The following AAGAB variants were observed in gnomAD, a reference collection of about 807,000 sequenced individuals.
The protein encoded by AAGAB is alpha and gamma adaptin binding protein.
A neutral mutation model predicts 44.1 loss-of-function variants in AAGAB; 38 were observed. That is an observed-to-expected ratio of 0.86 (90% CI 0.67 to 1.13). The LOEUF is 1.13. AAGAB is among the 50% of genes most tolerant of loss of function. The pLI is 0.00. For synonymous variants in AAGAB, 131 were observed against 131.8 expected, an observed-to-expected ratio of 0.99 and a Z score of 0.04; for missense variants, 450 against 373.8, an observed-to-expected ratio of 1.20 and a Z score of -1.68.
At chr15:67,206,374 T>G (rs1300672566) in intron 7 of AAGAB, among the ~76,000 whole-genome samples, 2 of 152,208 alleles carry the variant, frequency 1.3e-5, no homozygotes, top group Non-Finnish European at 2.9e-5. Flanking sequence ...CAGTGTAAAG[T>G]TACTATTTTC....
intron 5 of AAGAB, among the ~76,000 whole-genome samples, chr15:67,217,735 A>G (rs903249295): frequency 2.0e-5 from 3 of 152,062 alleles, no homozygotes; most frequent in African/African-American, 7.2e-5. Flanking sequence ...ATGGGGTTTC[A>G]CCATGTTGGC....
At chr15:67,204,687 G>A (rs1238058575) in intron 7 of AAGAB, among the ~76,000 whole-genome samples, 2 of 152,018 alleles carry the variant, frequency 1.3e-5, no homozygotes, top group Non-Finnish European at 2.9e-5. Context: ...GCTATTCAGA[G>A]GTAGAGCTGA....
intron 1 of AAGAB, among the ~76,000 whole-genome samples, chr15:67,241,500 ATTC>A (rs777742411): frequency 4.6e-5 from 7 of 152,312 alleles, no homozygotes; most frequent in Admixed American, 3.3e-4. Flanking sequence ...GAGACCCAAC[ATTC>A]TTCTTTCTTC....
At chr15:67,231,383 T>C (rs1964331143) in intron 5 of AAGAB, among the ~76,000 whole-genome samples, 1 of 152,222 alleles carries the variant, frequency 6.6e-6, no homozygotes, top group South Asian at 2.1e-4. Flanking sequence ...TCTCTCTCTA[T>C]ACTTAAGCCT....
At chr15:67,239,071 T>C (rs993529272) in intron 1 of AAGAB, among the ~76,000 whole-genome samples, 12 of 152,172 alleles carry the variant, frequency 7.9e-5, no homozygotes, top group African/African-American at 2.4e-4. Context: ...AATACAGTAA[T>C]GAATTCACTT....
Position 67,202,863 on chromosome 15 carries a change from G to T in AAGAB, c.906C>A (p.Asp302Glu), listed in dbSNP as rs751267992. ...AKAFWMAIGG[D>E]RDEIEGLSSD... ...ATGAAAGGCCTTCAATTTCATCTCT[G>T]TCTCCCCCGATTGCCATCCAGAATG... Residue 302 changes from aspartate (D) to glutamate (E), a missense_variant, in exon 10 of 10, where the codon GAC (aspartate) becomes GAA (glutamate). Physicochemically the swap from Asp to Glu is conservative, Grantham distance 45. Transcript: ENST00000261880. 22 of 1,614,074 alleles carry T rather than the reference G, an allele frequency of 1.4e-5. No individual in the cohort carries two copies. In the South Asian group the frequency reaches 2.4e-4, roughly 18 times the overall value.
intron 4 of AAGAB, among the ~76,000 whole-genome samples, chr15:67,235,279 T>C (rs1964434419): frequency 6.6e-6 from 1 of 152,234 alleles, no homozygotes; most frequent in Admixed American, 6.5e-5. Flanking sequence ...ATTTCTTCTA[T>C]AATACTTATG....
rs749508818 is a variant in AAGAB at position 67,236,046 on chromosome 15, T to G, written c.384A>C (p.Gln128His). 1 of 1,613,110 alleles carries G rather than the reference T, an allele frequency of 6.2e-7. No homozygotes were observed. The highest frequency in any genetic ancestry group is 8.5e-7 in the Non-Finnish European group (1 of 1,179,418). Residue 128 changes from glutamine (Q) to histidine (H), a missense_variant, in exon 4 of 10, where the codon CAA becomes CAC. Transcript: ENST00000261880. ...SEDGINRQKA[Q>H]EWCIKHGFEL... Reference sequence around the variant, plus strand: ...CAAAGCCATGTTTGATGCACCATTCTTGAGCTTTTTGTCGGTTTATACCTA... The same window carrying G: ...CAAAGCCATGTTTGATGCACCATTCGTGAGCTTTTTGTCGGTTTATACCTA...
intron 5 of AAGAB, among the ~76,000 whole-genome samples, chr15:67,225,526 C>A (rs888399663): frequency 3.9e-5 from 6 of 152,086 alleles, no homozygotes; most frequent in Admixed American, 2.0e-4. Flanking sequence ...TTTTCACCAC[C>A]CCAGAAAGAA....
chr15:67,240,658 T>C (rs1025376036), intron 1 of AAGAB, among the ~76,000 whole-genome samples: 9 of 152,204 alleles, frequency 5.9e-5, no homozygotes, highest in African/African-American at 2.2e-4. Context: ...AGAAACTTTT[T>C]ACAAAGCCAT....
chr15:67,237,117 G>A (rs887714707), intron 1 of AAGAB, among the ~76,000 whole-genome samples: 2 of 152,106 alleles, frequency 1.3e-5, no homozygotes, highest in Admixed American at 6.6e-5. Flanking sequence ...ATCCAGAAAA[G>A]AGCAAGTAGA....
At chr15:67,227,910 T>G (rs1417774435) in intron 5 of AAGAB, among the ~76,000 whole-genome samples, 2 of 152,214 alleles carry the variant, frequency 1.3e-5, no homozygotes, top group Non-Finnish European at 2.9e-5. Flanking sequence ...GTATTTTGTT[T>G]TTTGGTTAAC....
At chr15:67,228,503 G>C (rs1017900751) in intron 5 of AAGAB, among the ~76,000 whole-genome samples, 1 of 152,214 alleles carries the variant, frequency 6.6e-6, no homozygotes, top group Non-Finnish European at 1.5e-5. Flanking sequence ...AGAGGAAAGG[G>C]AAGTACTTAT....
chr15:67,203,788 T>C (rs181895394), intron 8 of AAGAB, among the ~76,000 whole-genome samples, 191 bp from the exon 9 acceptor site: 3 of 152,340 alleles, frequency 2.0e-5, no homozygotes, highest in Non-Finnish European at 2.9e-5. Context: ...GTAGGGATCT[T>C]ACAGTTTCCA....
Position 67,217,472 on chromosome 15 carries a change from T to C in AAGAB, c.536-7928A>G, listed in dbSNP as rs140076423. The stretch of plus-strand genomic sequence containing the variant: ...TAGAAAAACAATTTTATTTAAGGCA[T>C]TAGCCATCTGCTTTCTCAGGAGAGC... On this transcript the variant is annotated intron_variant, in intron 5 of 9. Coordinates refer to ENST00000261880, the MANE Select transcript of AAGAB (RefSeq NM_024666.5). 1.9e-3 allele frequency among the ~76,000 whole-genome samples: 284 copies of C among 152,358 alleles called. 1 individual carries two copies. Among genetic ancestry groups the C allele is most frequent in the Admixed American group, 5.2e-3 (80 of 15,312 alleles).
chr15:67,203,672 G>A, intron 8 of AAGAB, 75 bp from the exon 9 acceptor site: 1 of 1,278,284 alleles, frequency 7.8e-7, no homozygotes, highest in Non-Finnish European at 1.1e-6. Context: ...AACACTAGAA[G>A]ATGGGAGACG....
At chr15:67,216,191 C>A (rs1386095621) in intron 5 of AAGAB, among the ~76,000 whole-genome samples, 4 of 151,806 alleles carry the variant, frequency 2.6e-5, no homozygotes, top group Non-Finnish European at 5.9e-5. Flanking sequence ...CACCTGTAAT[C>A]CCAGCACTTT....
rs1963561923 is a variant in AAGAB, at chr15:67,201,188, T to C, written c.*1633A>G. 1 of 151,990 alleles carries C rather than the reference T, an allele frequency of 6.6e-6. No individual in the cohort carries two copies. Among genetic ancestry groups the C allele is most frequent in the South Asian group, 2.1e-4 (1 of 4,824 alleles). The allele number at this position is 151,990 out of a possible 1,614,324, so 9.4% of individuals were successfully genotyped here. A position where few individuals can be genotyped will look rare whatever the true frequency, so the allele number is the denominator to read the frequency against. On this transcript the variant is annotated 3_prime_UTR_variant, in exon 10 of 10. Coordinates refer to ENST00000261880, the MANE Select transcript of AAGAB (RefSeq NM_024666.5). Reference sequence around the variant, plus strand: ...AAAACATGTTCCACCTTTTTTTTTTTTTTGCAATCCCAGAGCCAACTTCCC... The same window carrying C: ...AAAACATGTTCCACCTTTTTTTTTTCTTTGCAATCCCAGAGCCAACTTCCC...
chr15:67,240,312 G>A (rs1462799336), intron 1 of AAGAB, among the ~76,000 whole-genome samples: 1 of 152,084 alleles, frequency 6.6e-6, no homozygotes, highest in African/African-American at 2.4e-5. Flanking sequence ...AACCTGCAGT[G>A]GGCTCCCTTC....
Sources: gnomAD v4.1 joint callset for allele counts (sites outside exome capture counted in the v4.1 genomes callset) on GRCh38, gnomAD v4.1.1 for gene constraint, MANE v1.5 for transcripts, NCBI Gene and HGNC (gene_info 2026-07-23, HGNC 2026-07-21) for gene names.